Variants in MTMR12 observed in about 807,000 individuals in gnomAD.
MTMR12 encodes the protein myotubularin related protein 12, also known as myotubularin-related protein 12.
Under a neutral mutation model 96.7 loss-of-function variants are expected in MTMR12, and 33 were observed. The observed-to-expected ratio is 0.34, with a 90% CI of 0.26 to 0.46. The LOEUF is 0.46. Among genes scored for constraint, MTMR12 ranks in the 20% least tolerant of loss-of-function variants. The probability of loss-of-function intolerance (pLI) is 1.00; values close to 1 mark genes in which losing one functional copy is unlikely to be tolerated. For synonymous variants in MTMR12, 298 were observed against 327.2 expected (o/e 0.91, Z 0.96); for missense variants, 721 against 896.1 (o/e 0.80, Z 2.49).
chr5:32,305,252 C>A (rs1375137716), intron 1 of MTMR12, among the ~76,000 whole-genome samples: 1 of 152,052 alleles, frequency 6.6e-6, no homozygotes, highest in Non-Finnish European at 1.5e-5. Flanking sequence ...CCACGCCCGG[C>A]TAATTTTTGT....
At chr5:32,246,050 C>T (rs1395300277) in intron 10 of MTMR12, among the ~76,000 whole-genome samples, 1 of 152,136 alleles carries the variant, frequency 6.6e-6, no homozygotes, top group Non-Finnish European at 1.5e-5. Flanking sequence ...TCTCCTGTTA[C>T]AATTCTTCAA....
rs879370496 is a variant in MTMR12 at position 32,312,932 on chromosome 5, G to C, written c.-94C>G. The C allele has an allele frequency of 8.2e-6, 10 of 1,215,056 alleles. No individual in the cohort carries two copies. Among genetic ancestry groups the C allele is most frequent in the Non-Finnish European group, 1.1e-5 (10 of 922,894 alleles). The allele number at this position is 1,215,056 out of a possible 1,614,324, so 75.3% of individuals were successfully genotyped here. The stretch of plus-strand genomic sequence containing the variant: ...GCGGCGGCCACCAGCACTAGCGGCT[G>C]GGGCTCCGCCCATCCCCAAGGCCGC... On this transcript the variant is annotated 5_prime_UTR_variant, in exon 1 of 16. Coordinates refer to ENST00000382142, the MANE Select transcript of MTMR12 (RefSeq NM_001040446.3). The surrounding 1 kb of genome is among the most constrained non-coding windows in gnomAD (Gnocchi z 5.0).
chr5:32,243,785 T>C (rs1299054093), intron 10 of MTMR12, among the ~76,000 whole-genome samples, 186 bp from the exon 11 acceptor site: 2 of 152,218 alleles, frequency 1.3e-5, no homozygotes, highest in Non-Finnish European at 2.9e-5. Context: ...GTTTCTGAGC[T>C]GTAGGCCCCT....
At chr5:32,281,248 TAA>T (rs72123716) in intron 1 of MTMR12, among the ~76,000 whole-genome samples, 7 of 107,434 alleles carry the variant, frequency 6.5e-5, no homozygotes, top group African/African-American at 7.1e-5. Context: ...ACTCTATCAT[TAA>T]AAAAAAAAAA....
intron 6 of MTMR12, among the ~76,000 whole-genome samples, chr5:32,268,264 T>C (rs565370692): frequency 6.8e-4 from 103 of 152,118 alleles, no homozygotes; most frequent in African/African-American, 2.4e-3. Flanking sequence ...TCCCAGCACT[T>C]TGGGAGGCCG....
chr5:32,309,986 T>C (rs1751513419), intron 1 of MTMR12, among the ~76,000 whole-genome samples: 1 of 152,138 alleles, frequency 6.6e-6, no homozygotes, highest in Non-Finnish European at 1.5e-5. Context: ...CACCATATGA[T>C]CCGGCAAGCC....
Position 32,271,872 on chromosome 5 carries a change from T to A in MTMR12, c.319A>T (p.Asn107Tyr). The change falls in exon 4 of 16, where the codon AAT becomes TAT. Residue 107 changes from asparagine to tyrosine, a missense_variant. Asn to Tyr is a moderately radical substitution (Grantham distance 143). Transcript: ENST00000382142. ...TCAACACAGTGGAGTGTAATGTCAT[T>A]TTCTCCTATAACCTTATTCTTAAAT... ...TQFKNKVIGE[N>Y]DITLHCVDQI... 1 of 1,583,542 alleles carries A rather than the reference T, an allele frequency of 6.3e-7. No individual in the cohort carries two copies. Among genetic ancestry groups the A allele is most frequent in the Non-Finnish European group, 8.6e-7 (1 of 1,159,904 alleles).
chr5:32,303,847 CAAAAAAAAAAAAA>C (rs57459005), intron 1 of MTMR12, among the ~76,000 whole-genome samples: 1 of 68,392 alleles, frequency 1.5e-5, no homozygotes, highest in Non-Finnish European at 2.8e-5. Flanking sequence ...TTTGCCATCT[CAAAAAAAAAAAAA>C]AAAAAAAAAA....
intron 1 of MTMR12, among the ~76,000 whole-genome samples, chr5:32,280,903 T>C (rs1024140485): frequency 6.6e-6 from 1 of 152,078 alleles, no homozygotes; most frequent in African/African-American, 2.4e-5. Context: ...GCAGGATCTG[T>C]GCTTCTGCTT....
intron 7 of MTMR12, among the ~76,000 whole-genome samples, chr5:32,256,841 T>G (rs1055231648): frequency 6.6e-6 from 1 of 152,222 alleles, no homozygotes; most frequent in South Asian, 2.1e-4. Context: ...TGTGGAAAAC[T>G]GTCAGTCAAG....
chr5:32,268,828 G>GT, intron 5 of MTMR12, 34 bp from the exon 6 acceptor site: 1 of 1,547,434 alleles, frequency 6.5e-7, no homozygotes, highest in African/African-American at 1.4e-5. Flanking sequence ...TATAGTTATG[G>GT]TTTTGACAGA....
intron 3 of MTMR12, among the ~76,000 whole-genome samples, chr5:32,272,425 G>A (rs1749873572): frequency 6.6e-6 from 1 of 152,118 alleles, no homozygotes; most frequent in Non-Finnish European, 1.5e-5. Context: ...CTCAGGCTAG[G>A]CTGGAGTGCA....
chr5:32,233,856 T>G lies in MTMR12; in HGVS notation c.1591A>C (p.Lys531Gln), dbSNP rs777651880. 1 of 1,614,196 alleles carries G rather than the reference T, an allele frequency of 6.2e-7. No homozygotes were observed. Among genetic ancestry groups the G allele is most frequent in the East Asian group, 2.2e-5 (1 of 44,882 alleles). The change falls in exon 15 of 16, where the codon AAA (lysine) becomes CAA (glutamine). Residue 531 changes from lysine to glutamine, a missense_variant. Lys to Gln is a moderately conservative substitution (Grantham distance 53). Transcript: ENST00000382142. This position sits in a 1 kb window ranked among gnomAD's most constrained non-coding sequence, Gnocchi z 5.0. ...VWDWSVQFEP[K>Q]AQTLLKNPLY... The stretch of plus-strand genomic sequence containing the variant: ...GGGTTTTTGAGCAATGTCTGGGCTT[T>G]GGGTTCAAACTGCACCGACCAATCC...
At chr5:32,232,885 CT>C (rs1469322498) in intron 15 of MTMR12, 4 of 890,212 alleles carry the variant, frequency 4.5e-6, no homozygotes, top group Non-Finnish European at 5.4e-6. Context: ...AAGGGCCAGG[CT>C]TTCTGAAGCC....
intron 2 of MTMR12, among the ~76,000 whole-genome samples, chr5:32,275,004 A>T (rs564309928): frequency 8.3e-4 from 127 of 152,244 alleles, no homozygotes; most frequent in African/African-American, 3.0e-3. Flanking sequence ...ACAACAAAAA[A>T]AACCCAAAGG....
At chr5:32,250,400 C>T (rs1446101389) in intron 8 of MTMR12, among the ~76,000 whole-genome samples, 1 of 152,176 alleles carries the variant, frequency 6.6e-6, no homozygotes, top group African/African-American at 2.4e-5. Flanking sequence ...TTTCTTGGGG[C>T]CAAGCCACAC....
At chr5:32,298,158 TG>T (rs145562086) in intron 1 of MTMR12, among the ~76,000 whole-genome samples, 2,184 of 152,238 alleles carry the variant, frequency 0.014, 62 homozygotes, top group African/African-American at 0.049. Context: ...TGTGGGCATC[TG>T]GGGGTGGTGC....
intron 1 of MTMR12, among the ~76,000 whole-genome samples, chr5:32,302,189 T>C (rs1441163992): frequency 6.6e-6 from 1 of 152,100 alleles, no homozygotes; most frequent in Non-Finnish European, 1.5e-5. Context: ...AAGGACAGGG[T>C]ACGAGAGGGA....
At chr5:32,266,567 A>G (rs1199185949) in intron 6 of MTMR12, among the ~76,000 whole-genome samples, 1 of 152,030 alleles carries the variant, frequency 6.6e-6, no homozygotes, top group Admixed American at 6.5e-5. Flanking sequence ...ATGCGCCTGT[A>G]ATCCTAGCTA....
Sources: gnomAD v4.1 joint callset for allele counts (sites outside exome capture counted in the v4.1 genomes callset) on GRCh38, gnomAD v4.1.1 for gene constraint, Gnocchi (gnomAD v3.1) non-coding constraint, MANE v1.5 for transcripts, NCBI Gene and HGNC (gene_info 2026-07-23, HGNC 2026-07-21) for gene names.